Variants in SBF2 observed in about 807,000 individuals in gnomAD.
The protein encoded by SBF2 is myotubularin-related protein 13.
Under a neutral mutation model 225.2 loss-of-function variants are expected in SBF2, and 112 were observed. The observed-to-expected ratio is 0.50, with a 90% confidence interval of 0.43 to 0.58. The LOEUF is 0.58. Among genes scored for constraint, SBF2 ranks in the 20% least tolerant of loss-of-function variants. The pLI is 0.00. For synonymous variants in SBF2, 763 were observed against 773.3 expected (o/e 0.99, Z 0.22); for missense variants, 1,996 against 2,206.2 (o/e 0.90, Z 1.91).
At chr11:10,035,024 T>A in intron 3 of SBF2, among the ~76,000 whole-genome samples, 1 of 152,124 alleles carries the variant, frequency 6.6e-6, no homozygotes, top group East Asian at 1.9e-4. Flanking sequence ...AGTCTTCAGT[T>A]CAGAATCTCC....
chr11:10,112,303 C>A (rs557277951), intron 2 of SBF2, among the ~76,000 whole-genome samples: 4 of 152,168 alleles, frequency 2.6e-5, no homozygotes, highest in Non-Finnish European at 5.9e-5. Flanking sequence ...AGGAACCCAG[C>A]AGGAGGTGAC....
intron 20 of SBF2, 74 bp downstream of exon 20, chr11:9,853,466 T>G (rs1289101485): frequency 1.6e-6 from 2 of 1,255,262 alleles, no homozygotes; most frequent in Non-Finnish European, 2.3e-6. Context: ...ATGGAAGACA[T>G]GTATTGCCAG....
chr11:10,073,332 A>T (rs1950968043), intron 2 of SBF2, among the ~76,000 whole-genome samples: 1 of 152,196 alleles, frequency 6.6e-6, no homozygotes, highest in South Asian at 2.1e-4. Context: ...TAAAATTTTC[A>T]AATTCCTTAT....
chr11:10,171,256 T>C (rs780136587), intron 2 of SBF2, among the ~76,000 whole-genome samples: 1 of 152,186 alleles, frequency 6.6e-6, no homozygotes, highest in Non-Finnish European at 1.5e-5. Flanking sequence ...CCCCCATTCA[T>C]AATGATATTA....
At chr11:10,033,721 T>A (rs1565156191) in intron 3 of SBF2, among the ~76,000 whole-genome samples, 3 of 151,396 alleles carry the variant, frequency 2.0e-5, no homozygotes. Context: ...TTAGGTAAAA[T>A]AAAGTTTGTT....
chr11:9,982,347 T>C (rs1395460992), intron 13 of SBF2, among the ~76,000 whole-genome samples: 1 of 152,150 alleles, frequency 6.6e-6, no homozygotes, highest in Non-Finnish European at 1.5e-5. Flanking sequence ...TGAGGGCAAA[T>C]GACTAACTGA....
chr11:10,019,199 T>C (rs920401519), intron 6 of SBF2, among the ~76,000 whole-genome samples: 2 of 152,150 alleles, frequency 1.3e-5, no homozygotes, highest in African/African-American at 4.8e-5. Flanking sequence ...ACTTCTACCA[T>C]CATATAAGCA....
intron 38 of SBF2, 21 bp from the exon 39 acceptor site, chr11:9,781,659 G>A: frequency 6.2e-7 from 1 of 1,614,038 alleles, no homozygotes; most frequent in Non-Finnish European, 8.5e-7. Flanking sequence ...AAGGATACAA[G>A]TGAGATATAA....
intron 1 of SBF2, among the ~76,000 whole-genome samples, chr11:10,269,816 C>T (rs1962323957): frequency 6.6e-6 from 1 of 152,100 alleles, no homozygotes; most frequent in African/African-American, 2.4e-5. Flanking sequence ...GGCTAGAGTA[C>T]AGTAGTGCAA....
At position 9,858,379 on chromosome 11, in the gene SBF2, G is replaced by A; in HGVS notation, c.1947C>T (p.Val649=). The change falls in exon 18 of 40, where the codon GTC becomes GTT. Residue 649 remains valine (V), a synonymous_variant. Transcript: ENST00000256190. ...GTACACACGTGTAAGCAAACTGGCTGACTCCAGGGGCAAGTTTCTGTGAGA... is the reference window on the plus strand; with the variant it reads ...GTACACACGTGTAAGCAAACTGGCTAACTCCAGGGGCAAGTTTCTGTGAGA... The part of the protein sequence containing the change: ...SAFYRKLAPG[V]SQFAYTCVQD... 2 of 1,614,138 alleles carry A rather than the reference G, an allele frequency of 1.2e-6. No homozygotes were observed. Among genetic ancestry groups the A allele is most frequent in the East Asian group, 2.2e-5 (1 of 44,886 alleles).
intron 1 of SBF2, among the ~76,000 whole-genome samples, chr11:10,220,386 G>A (rs1274904890): frequency 6.6e-6 from 1 of 152,010 alleles, no homozygotes; most frequent in Admixed American, 6.6e-5. Context: ...TTTAGGTGGG[G>A]ACACAGCCAA....
intron 1 of SBF2, among the ~76,000 whole-genome samples, chr11:10,210,686 G>T (rs1320560426): frequency 6.6e-6 from 1 of 152,108 alleles, no homozygotes; most frequent in African/African-American, 2.4e-5. Flanking sequence ...AAAACCATGG[G>T]TGTGGGGTTG....
intron 6 of SBF2, among the ~76,000 whole-genome samples, chr11:10,022,781 G>A (rs143185124): frequency 3.3e-5 from 5 of 151,888 alleles, no homozygotes; most frequent in African/African-American, 1.2e-4. Context: ...TTTCAATCTC[G>A]AGGTTGAGGA....
intron 1 of SBF2, among the ~76,000 whole-genome samples, chr11:10,280,253 A>C (rs1375734813): frequency 6.6e-6 from 1 of 152,184 alleles, no homozygotes; most frequent in Admixed American, 6.5e-5. Flanking sequence ...TCCAAAGTAC[A>C]TACTCTTTAG....
intron 16 of SBF2, among the ~76,000 whole-genome samples, chr11:9,930,810 G>T (rs61876944): frequency 2.0e-5 from 3 of 152,104 alleles, no homozygotes; most frequent in African/African-American, 7.2e-5. Context: ...CCTCACCTGC[G>T]AAGAGCAAGA....
At chr11:10,047,260 T>G (rs553262341) in intron 2 of SBF2, among the ~76,000 whole-genome samples, 1 of 152,146 alleles carries the variant, frequency 6.6e-6, no homozygotes, top group South Asian at 2.1e-4. Flanking sequence ...TTTATGGATA[T>G]TAACAAAATG....
At chr11:10,108,082 G>C (rs1952635000) in intron 2 of SBF2, among the ~76,000 whole-genome samples, 1 of 152,190 alleles carries the variant, frequency 6.6e-6, no homozygotes, top group Admixed American at 6.5e-5. Context: ...TATACGCTTT[G>C]TGACAAGAAT....
At chr11:9,819,839 C>T (rs562429036) in intron 28 of SBF2, among the ~76,000 whole-genome samples, 10 of 152,312 alleles carry the variant, frequency 6.6e-5, no homozygotes, top group African/African-American at 1.9e-4. Context: ...GAGCATTAAG[C>T]ATTGCCACGC....
At chr11:9,854,849 C>T (rs1243996023) in intron 19 of SBF2, among the ~76,000 whole-genome samples, 1 of 152,114 alleles carries the variant, frequency 6.6e-6, no homozygotes, top group Non-Finnish European at 1.5e-5. Context: ...CTTCGGTCTC[C>T]CAAAGTGCTG....
Sources: gnomAD v4.1 joint callset for allele counts (sites outside exome capture counted in the v4.1 genomes callset) on GRCh38, gnomAD v4.1.1 for gene constraint, MANE v1.5 for transcripts, NCBI Gene and HGNC (gene_info 2026-07-23, HGNC 2026-07-21) for gene names.